The following PRCP variants were observed in gnomAD, a reference collection of about 807,000 sequenced individuals.
PRCP encodes the protein prolylcarboxypeptidase, also known as lysosomal Pro-X carboxypeptidase.
In PRCP, 46 loss-of-function variants were observed where a neutral mutation model predicts 54.2. The ratio of observed to expected loss-of-function variants is 0.85; its 90% confidence interval spans 0.67 to 1.09. The LOEUF (loss-of-function observed/expected upper bound fraction) is 1.09, where lower values mean the gene tolerates loss of function less well. Among genes scored for constraint, PRCP ranks in the 50% least tolerant of loss-of-function variants. The pLI, the probability that PRCP is intolerant of heterozygous loss-of-function variation, is 0.00. For missense variants in PRCP, 613 were observed against 596.8 expected, an observed-to-expected ratio of 1.03 and a Z score of -0.28; for synonymous variants, 240 against 212.2, an observed-to-expected ratio of 1.13 and a Z score of -1.14.
chr11:82,864,478 G>A (rs572801652), intron 1 of PRCP, among the ~76,000 whole-genome samples: 62 of 152,352 alleles, frequency 4.1e-4, no homozygotes, highest in African/African-American at 1.4e-3. Flanking sequence ...GGTCACAAGG[G>A]CCTTAGAAAC....
chr11:82,868,916 A>G (rs1859407895), intron 1 of PRCP, among the ~76,000 whole-genome samples: 1 of 152,096 alleles, frequency 6.6e-6, no homozygotes, highest in South Asian at 2.1e-4. Context: ...CACGCCTATA[A>G]TCTCAGCTAC....
intron 1 of PRCP, among the ~76,000 whole-genome samples, chr11:82,874,314 G>A (rs2086297): frequency 1.3e-5 from 2 of 152,064 alleles, no homozygotes; most frequent in Non-Finnish European, 2.9e-5. Context: ...GTCACTGCCC[G>A]CACAGGGCTT....
chr11:82,869,004 C>T (rs1048040493), intron 1 of PRCP, among the ~76,000 whole-genome samples: 1 of 152,042 alleles, frequency 6.6e-6, no homozygotes, highest in Non-Finnish European at 1.5e-5. Context: ...CCACTGCATT[C>T]CCACCTGGGT....
intron 2 of PRCP, among the ~76,000 whole-genome samples, chr11:82,854,467 A>G (rs529547866): frequency 6.6e-6 from 1 of 152,192 alleles, no homozygotes; most frequent in African/African-American, 2.4e-5. Flanking sequence ...TCATCTCTAC[A>G]ATGAGAATTA....
At chr11:82,838,823 A>G (rs1858592711) in intron 7 of PRCP, among the ~76,000 whole-genome samples, 1 of 152,238 alleles carries the variant, frequency 6.6e-6, no homozygotes, top group Admixed American at 6.5e-5. Flanking sequence ...CACATTTATT[A>G]TCACATTTAA....
intron 8 of PRCP, chr11:82,829,670 A>T (rs1392451552): frequency 6.6e-6 from 1 of 152,162 alleles, no homozygotes; most frequent in Non-Finnish European, 1.5e-5. Context: ...TTAGAACTCC[A>T]TGAGAGCCGA....
intron 8 of PRCP, chr11:82,837,121 C>A: frequency 4.5e-6 from 1 of 221,784 alleles, no homozygotes. Flanking sequence ...GGGCATCCGA[C>A]TCTATTTCTT....
intron 1 of PRCP, among the ~76,000 whole-genome samples, chr11:82,861,083 C>A (rs78095750): frequency 6.6e-6 from 1 of 151,936 alleles, no homozygotes; most frequent in Non-Finnish European, 1.5e-5. Flanking sequence ...CATTAGTCCA[C>A]AAAAATATTT....
At chr11:82,893,555 A>T (rs1452473040) in intron 1 of PRCP, among the ~76,000 whole-genome samples, 1 of 152,068 alleles carries the variant, frequency 6.6e-6, no homozygotes, top group East Asian at 1.9e-4. Flanking sequence ...ACTTTGGGAG[A>T]CCAAGGTAAG....
chr11:82,839,123 A>T lies in PRCP; in HGVS notation c.1086+138T>A, dbSNP rs868696393. ...TGAATGAACAAGAAAACTTGTCCAT[A>T]GTATCACAGCATAAGGTAACAGAGC... On this transcript the variant is annotated intron_variant, in intron 7 of 8. Transcript: ENST00000313010. 4 of 783,776 alleles carry T rather than the reference A, an allele frequency of 5.1e-6. No homozygotes were observed. The Middle Eastern group carries it at 9.0e-4, about 176-fold the overall frequency. The allele number at this position is 783,776 out of a possible 1,614,324, so 48.6% of individuals were successfully genotyped here. A position where few individuals can be genotyped will look rare whatever the true frequency, so the allele number is the denominator to read the frequency against.
chr11:82,878,690 T>G (rs974437982), intron 1 of PRCP, among the ~76,000 whole-genome samples: 2 of 152,252 alleles, frequency 1.3e-5, no homozygotes, highest in African/African-American at 2.4e-5. Context: ...CGGTTGTTCC[T>G]TTCCAAGTTT....
chr11:82,850,669 C>G (rs539726995), intron 3 of PRCP, among the ~76,000 whole-genome samples, 164 bp from the exon 4 acceptor site: 9 of 152,252 alleles, frequency 5.9e-5, no homozygotes, highest in African/African-American at 1.7e-4. Context: ...TGTGTGGATT[C>G]AAACTCATGA....
chr11:82,835,090 C>A (rs139134100), intron 8 of PRCP, among the ~76,000 whole-genome samples: 2 of 152,202 alleles, frequency 1.3e-5, no homozygotes, highest in East Asian at 3.9e-4. Context: ...ACAGCTAATG[C>A]GTGCTGGATT....
rs1331535368 is a variant in PRCP at position 82,859,963 on chromosome 11, G to A, written c.309+14C>T. ...GTCAAATTGAGCACTGGAATTTCAT[G>A]AATCTGCACATACCGTGTTATTACA... On this transcript the variant is annotated intron_variant, in intron 2 of 8. Coordinates refer to ENST00000313010, the MANE Select transcript of PRCP (RefSeq NM_005040.4). 2 of 1,538,254 alleles carry A rather than the reference G, an allele frequency of 1.3e-6. No individual in the cohort carries two copies. Among genetic ancestry groups the A allele is most frequent in the African/African-American group, 2.8e-5 (2 of 70,906 alleles).
chr11:82,879,429 C>T (rs541548552), intron 1 of PRCP, among the ~76,000 whole-genome samples: 19 of 152,348 alleles, frequency 1.2e-4, no homozygotes, highest in African/African-American at 4.3e-4. Context: ...AGCCATTCGT[C>T]TAATCTTTTT....
intron 1 of PRCP, among the ~76,000 whole-genome samples, chr11:82,884,208 A>G (rs1156360758): frequency 6.6e-6 from 1 of 152,206 alleles, no homozygotes; most frequent in East Asian, 1.9e-4. Flanking sequence ...TAGATTATTC[A>G]ATCACAATGA....
At chr11:82,851,246 G>A (rs1238982319) in intron 3 of PRCP, among the ~76,000 whole-genome samples, 1 of 152,014 alleles carries the variant, frequency 6.6e-6, no homozygotes, top group Non-Finnish European at 1.5e-5. Flanking sequence ...AAAAGGTGAA[G>A]CTTAATTCCA....
At chr11:82,848,728 C>A (rs1045810350) in intron 6 of PRCP, among the ~76,000 whole-genome samples, 1 of 152,176 alleles carries the variant, frequency 6.6e-6, no homozygotes, top group Non-Finnish European at 1.5e-5. Context: ...ATTATACATG[C>A]AAAGTACACA....
chr11:82,861,667 T>C (rs946474634), intron 1 of PRCP, among the ~76,000 whole-genome samples: 3 of 151,862 alleles, frequency 2.0e-5, no homozygotes, highest in Non-Finnish European at 4.4e-5. Context: ...AATATAAAGG[T>C]AAAAGAGCAA....
Sources: gnomAD v4.1 joint callset for allele counts (sites outside exome capture counted in the v4.1 genomes callset) on GRCh38, gnomAD v4.1.1 for gene constraint, MANE v1.5 for transcripts, NCBI Gene and HGNC (gene_info 2026-07-23, HGNC 2026-07-21) for gene names.